The following HIP1 variants were observed in gnomAD, a reference collection of about 807,000 sequenced individuals.
HIP1 encodes the protein huntingtin interacting protein 1.
Under a neutral mutation model 147.6 loss-of-function variants are expected in HIP1, and 65 were observed. The ratio of observed to expected loss-of-function variants is 0.44; its 90% confidence interval spans 0.36 to 0.54. The LOEUF (loss-of-function observed/expected upper bound fraction) is 0.54. HIP1 is among the 20% of genes least tolerant of loss of function. HIP1 has a pLI of 0.00. For synonymous variants in HIP1, 479 were observed against 504.0 expected (o/e 0.95, Z 0.67); for missense variants, 1,061 against 1,299.6 (o/e 0.82, Z 2.82).
intron 4 of HIP1, among the ~76,000 whole-genome samples, chr7:75,587,701 T>A (rs1236929829): frequency 1.3e-5 from 2 of 152,140 alleles, no homozygotes; most frequent in Non-Finnish European, 2.9e-5. Flanking sequence ...CAGTGGCTCA[T>A]GCCTGTAATC....
intron 7 of HIP1, among the ~76,000 whole-genome samples, chr7:75,575,673 A>AT (rs797029587): frequency 2.0e-4 from 31 of 152,082 alleles, no homozygotes; most frequent in African/African-American, 7.2e-4. Flanking sequence ...CCTGCCCCCC[A>AT]TCCTAGACCA....
chr7:75,558,381 G>C (rs1795096780), intron 14 of HIP1, 126 bp from the exon 15 acceptor site: 1 of 749,464 alleles, frequency 1.3e-6, no homozygotes, highest in African/African-American at 1.7e-5. Context: ...CTGTCACCCA[G>C]GCTGGGGTGC....
At chr7:75,725,763 G>A (rs1240482333) in intron 1 of HIP1, among the ~76,000 whole-genome samples, 1 of 151,636 alleles carries the variant, frequency 6.6e-6, no homozygotes, top group Non-Finnish European at 1.5e-5. Flanking sequence ...TGCAGGTTGG[G>A]ACTATTATAA....
intron 1 of HIP1, among the ~76,000 whole-genome samples, chr7:75,666,304 G>T (rs1799558930): frequency 6.6e-6 from 1 of 151,914 alleles, no homozygotes; most frequent in Non-Finnish European, 1.5e-5. Flanking sequence ...AAGTAGCTGG[G>T]ATTACAGGTG....
At chr7:75,677,034 A>C (rs1799916424) in intron 1 of HIP1, among the ~76,000 whole-genome samples, 1 of 150,916 alleles carries the variant, frequency 6.6e-6, no homozygotes, top group Non-Finnish European at 1.5e-5. Flanking sequence ...ATCTCTACTA[A>C]ATATACAAAA....
Position 75,738,889 on chromosome 7 carries a change from A to T in HIP1, c.32T>A (p.Val11Glu). 6.4e-7 allele frequency: 1 copy of T among 1,564,486 alleles called. No individual in the cohort carries two copies. The highest frequency in any genetic ancestry group is 8.6e-7 in the Non-Finnish European group (1 of 1,156,930). Residue 11 changes from valine to glutamate, a missense_variant, in exon 1 of 31, where the codon GTG becomes GAG. Physicochemically the swap from Val to Glu is moderately radical, Grantham distance 121 (BLOSUM62 -2). Transcript: ENST00000336926. ...CAGCACCTTGGGCAGTGGGTTGGGC[A>T]CCTGCTTCATGGAGCTGGCCATCCG... MDRMASSMKQ[V>E]PNPLPKVLSR...
At chr7:75,685,426 C>T (rs145121295) in intron 1 of HIP1, among the ~76,000 whole-genome samples, 8 of 152,344 alleles carry the variant, frequency 5.3e-5, no homozygotes, top group Middle Eastern at 3.4e-3. Flanking sequence ...GTGCTCCCTA[C>T]GGTTCACATT....
chr7:75,602,303 C>CTT (rs67019261), intron 1 of HIP1, among the ~76,000 whole-genome samples: 908 of 77,262 alleles, frequency 0.012, 111 homozygotes, highest in African/African-American at 0.03. Flanking sequence ...ACCTGGCCAG[C>CTT]TTTTTTTTTT....
At position 75,619,434 on chromosome 7, in the gene HIP1, G is replaced by A. The variant is rs1797769622; in HGVS notation, c.121-20187C>T. ...CCAGCTACTCGGGAGTCTGAGGCAG[G>A]AGGATTGCTTAAACCCAGAAGGCAG... On this transcript the variant is annotated intron_variant, in intron 1 of 30. Transcript: ENST00000336926. 2.7e-5 allele frequency among the ~76,000 whole-genome samples: 4 copies of A among 149,430 alleles called. No homozygotes were observed. The Admixed American group carries it at 2.7e-4, about 10-fold the overall frequency.
chr7:75,632,523 G>A (rs587770218), intron 1 of HIP1, among the ~76,000 whole-genome samples: 11 of 151,440 alleles, frequency 7.3e-5, no homozygotes, highest in Non-Finnish European at 8.8e-5. Flanking sequence ...GAGTAGCTGA[G>A]ATTACAGGCG....
chr7:75,646,724 G>A (rs1257679539), intron 1 of HIP1, among the ~76,000 whole-genome samples: 5 of 152,204 alleles, frequency 3.3e-5, no homozygotes, highest in African/African-American at 9.6e-5. Flanking sequence ...TTTTAGGAGC[G>A]AGGCCATCTG....
rs587607224 is a variant in HIP1, at chr7:75,585,986, T to A, written c.465+767A>T. Among the ~76,000 whole-genome samples the A allele has an allele frequency of 3.4e-5, 5 of 148,492 alleles. No individual in the cohort carries two copies. In the East Asian group the frequency reaches 1.0e-3, roughly 31 times the overall value. On this transcript the variant is annotated intron_variant, in intron 5 of 30. Transcript: ENST00000336926. ...CACACTACCACGCCCGGCTAATTTT[T>A]AAATTTTTTTGTAGAGACAGGATCT...
intron 1 of HIP1, among the ~76,000 whole-genome samples, chr7:75,636,242 T>C (rs587742956): frequency 4.7e-5 from 7 of 149,084 alleles, no homozygotes; most frequent in Non-Finnish European, 8.9e-5. Flanking sequence ...TCCCAGCTAC[T>C]AGGGAAGCTG....
At chr7:75,665,298 TC>T (rs1799521988) in intron 1 of HIP1, among the ~76,000 whole-genome samples, 1 of 151,908 alleles carries the variant, frequency 6.6e-6, no homozygotes, top group African/African-American at 2.4e-5. Context: ...AAAATAAAGG[TC>T]TGGCTGCAGG....
rs868934521 is a variant in HIP1, at chr7:75,736,066, A to C, written c.120+2735T>G. 1.4e-3 allele frequency among the ~76,000 whole-genome samples: 202 copies of C among 147,230 alleles called. 1 individual carries two copies. In the South Asian group the frequency reaches 0.019, roughly 14 times the overall value. ...GAAAACACAGTGAGACCTCCGTCTT[A>C]AAAAAAAAAAAAGTTAAAAATAAGA... On this transcript the variant is annotated intron_variant, in intron 1 of 30. Transcript: ENST00000336926.
intron 18 of HIP1, 148 bp downstream of exon 18, chr7:75,555,878 G>T: frequency 2.1e-6 from 2 of 940,656 alleles, no homozygotes; most frequent in African/African-American, 1.6e-5. Context: ...GGGCCTGCTG[G>T]CATTACACCT....
At chr7:75,669,379 AC>A (rs1799668714) in intron 1 of HIP1, among the ~76,000 whole-genome samples, 1 of 151,586 alleles carries the variant, frequency 6.6e-6, no homozygotes, top group African/African-American at 2.4e-5. Flanking sequence ...TCTCAAAAAA[AC>A]AAAACAAAAC....
chr7:75,731,478 CAA>C (rs1214036700), intron 1 of HIP1, among the ~76,000 whole-genome samples: 15 of 36,306 alleles, frequency 4.1e-4, no homozygotes, highest in African/African-American at 6.4e-4. Context: ...GACTCCAACT[CAA>C]AAAAAAAAAA....
chr7:75,714,330 C>T (rs1022387406), intron 1 of HIP1, among the ~76,000 whole-genome samples: 24 of 152,034 alleles, frequency 1.6e-4, no homozygotes, highest in Admixed American at 1.4e-3. Context: ...TGAGCCGCCG[C>T]GCCTGGCCTT....
Sources: gnomAD v4.1 joint callset for allele counts (sites outside exome capture counted in the v4.1 genomes callset) on GRCh38, gnomAD v4.1.1 for gene constraint, MANE v1.5 for transcripts, NCBI Gene and HGNC (gene_info 2026-07-23, HGNC 2026-07-21) for gene names.